Variants in ATRNL1 observed in about 807,000 individuals in gnomAD.
ATRNL1 encodes attractin-like protein 1.
In ATRNL1, 95 loss-of-function variants were observed where a neutral mutation model predicts 182.7. The observed-to-expected ratio is 0.52, with a 90% confidence interval of 0.44 to 0.62. The LOEUF (loss-of-function observed/expected upper bound fraction) is 0.62. Among genes scored for constraint, ATRNL1 ranks in the 20% least tolerant of loss-of-function variants. The pLI is 0.00. For missense variants in ATRNL1, 1,471 were observed against 1,679.5 expected (o/e 0.88, Z 2.17); for synonymous variants, 576 against 568.3 (o/e 1.01, Z -0.19).
chr10:115,129,255 G>C, intron 4 of ATRNL1, 72 bp from the exon 5 acceptor site: 1 of 1,121,454 alleles, frequency 8.9e-7, no homozygotes, highest in African/African-American at 1.6e-5. Flanking sequence ...AAATTATAAA[G>C]TTTATGATGT....
At chr10:115,509,587 A>C (rs1269958611) in intron 24 of ATRNL1, among the ~76,000 whole-genome samples, 1 of 151,914 alleles carries the variant, frequency 6.6e-6, no homozygotes, top group Non-Finnish European at 1.5e-5. Context: ...CCATGATTCT[A>C]AGTTTACTGA....
intron 19 of ATRNL1, among the ~76,000 whole-genome samples, chr10:115,365,703 A>G (rs1371198598): frequency 6.6e-6 from 1 of 151,248 alleles, no homozygotes; most frequent in African/African-American, 2.4e-5. Context: ...TGCGTCCCAG[A>G]GATTCTGGTA....
chr10:115,133,027 A>G (rs1017065149), intron 5 of ATRNL1, among the ~76,000 whole-genome samples: 8 of 152,146 alleles, frequency 5.3e-5, no homozygotes, highest in South Asian at 2.1e-4. Context: ...CCTGAATGGT[A>G]TTGCCTAGGT....
intron 19 of ATRNL1, among the ~76,000 whole-genome samples, chr10:115,365,411 T>G (rs1250653111): frequency 5.3e-5 from 8 of 151,714 alleles, no homozygotes; most frequent in African/African-American, 1.9e-4. Flanking sequence ...TCTTCTCTCT[T>G]TTTTTCTTTA....
At chr10:115,881,771 G>T (rs1423242848) in intron 28 of ATRNL1, among the ~76,000 whole-genome samples, 1 of 152,180 alleles carries the variant, frequency 6.6e-6, no homozygotes, top group Non-Finnish European at 1.5e-5. Flanking sequence ...CCTCAAGCTA[G>T]TAAGTGCTGC....
At chr10:115,307,275 T>G (rs782633566) in intron 17 of ATRNL1, among the ~76,000 whole-genome samples, 5 of 152,190 alleles carry the variant, frequency 3.3e-5, no homozygotes, top group Admixed American at 6.5e-5. Context: ...TGGTTTTTGT[T>G]TTTTTGAGAC....
At chr10:115,805,063 G>A (rs184639280) in intron 27 of ATRNL1, among the ~76,000 whole-genome samples, 265 of 152,194 alleles carry the variant, frequency 1.7e-3, no homozygotes, top group African/African-American at 6.3e-3. Flanking sequence ...TAAAATTCTA[G>A]GAGTTATTTT....
chr10:115,609,941 T>G (rs988419425), intron 26 of ATRNL1, among the ~76,000 whole-genome samples: 15 of 152,154 alleles, frequency 9.9e-5, no homozygotes, highest in African/African-American at 3.6e-4. Flanking sequence ...TGAGACGTGT[T>G]GTTTGTGAGT....
rs544702823 is a variant in ATRNL1 at position 115,485,611 on chromosome 10, T to C, written c.3654+16282T>C. ...TTCCTATGTGACTAATTTTGTATCC[T>C]TTAACCAGTGTCCCTCCAAACCCCC... On this transcript the variant is annotated intron_variant, in intron 24 of 28. Transcript: ENST00000355044. Among the ~76,000 whole-genome samples the C allele has an allele frequency of 1.1e-4, 17 of 152,196 alleles. No homozygotes were observed. The East Asian group carries it at 3.3e-3, about 29-fold the overall frequency.
At chr10:115,834,059 G>A (rs1022674935) in intron 27 of ATRNL1, among the ~76,000 whole-genome samples, 7 of 152,124 alleles carry the variant, frequency 4.6e-5, no homozygotes, top group Non-Finnish European at 1.0e-4. Context: ...GAATGCCAGC[G>A]ACCGACTGTC....
intron 17 of ATRNL1, among the ~76,000 whole-genome samples, chr10:115,302,773 C>T (rs1248456610): frequency 6.6e-6 from 1 of 152,176 alleles, no homozygotes; most frequent in East Asian, 1.9e-4. Flanking sequence ...CGTCAGAATA[C>T]AGCTGCCAAG....
At chr10:115,478,619 G>A (rs537901774) in intron 24 of ATRNL1, among the ~76,000 whole-genome samples, 2 of 151,688 alleles carry the variant, frequency 1.3e-5, no homozygotes, top group African/African-American at 2.4e-5. Context: ...ATAATGTAAC[G>A]TAATCAAGGG....
Position 115,110,647 on chromosome 10 carries a change from A to G in ATRNL1, c.294-9538A>G, listed in dbSNP as rs1284608414. The stretch of plus-strand genomic sequence containing the variant: ...GATGTTCTTTTAAATTTCTATGTTT[A>G]TGGTAATTTGTTACCAGCAGTAAAA... On this transcript the variant is annotated intron_variant, in intron 1 of 28. Transcript: ENST00000355044. Among the ~76,000 whole-genome samples, 3 of 152,210 alleles carry G rather than the reference A, an allele frequency of 2.0e-5. No homozygotes were observed. In the East Asian group the frequency reaches 5.8e-4, roughly 29 times the overall value.
chr10:115,793,820 TC>T (rs1218024376), intron 27 of ATRNL1, among the ~76,000 whole-genome samples: 1 of 152,176 alleles, frequency 6.6e-6, no homozygotes, highest in Non-Finnish European at 1.5e-5. Flanking sequence ...GTGGGATTTT[TC>T]TTTGTGGTGG....
intron 19 of ATRNL1, among the ~76,000 whole-genome samples, chr10:115,336,035 G>C (rs1170619361): frequency 2.0e-5 from 3 of 152,002 alleles, no homozygotes; most frequent in African/African-American, 7.2e-5. Flanking sequence ...TTATATCCTA[G>C]GCACCGTACT....
At chr10:115,739,299 C>T (rs1948071797) in intron 27 of ATRNL1, among the ~76,000 whole-genome samples, 1 of 152,076 alleles carries the variant, frequency 6.6e-6, no homozygotes, top group East Asian at 1.9e-4. Context: ...TATTTTTATA[C>T]AGCATCCTTG....
chr10:115,201,075 G>GTT (rs1431751302), intron 8 of ATRNL1, among the ~76,000 whole-genome samples: 5 of 125,574 alleles, frequency 4.0e-5, no homozygotes, highest in Non-Finnish European at 7.0e-5. Flanking sequence ...TGGTGGGCTT[G>GTT]TTTTTTTTTT....
chr10:115,312,948 A>G (rs1592428670), intron 17 of ATRNL1, among the ~76,000 whole-genome samples: 1 of 151,882 alleles, frequency 6.6e-6, no homozygotes. Context: ...GCATTTTGCA[A>G]TTTTCTAAAT....
At chr10:115,536,029 C>G (rs1424639000) in intron 25 of ATRNL1, among the ~76,000 whole-genome samples, 1 of 151,800 alleles carries the variant, frequency 6.6e-6, no homozygotes, top group African/African-American at 2.4e-5. Flanking sequence ...CTGGGGGGAG[C>G]CTCCCAGTTA....
Sources: allele counts gnomAD v4.1 joint callset (sites outside exome capture counted in the v4.1 genomes callset), GRCh38; gene constraint gnomAD v4.1.1; transcripts MANE v1.5; gene names NCBI Gene and HGNC (gene_info 2026-07-23, HGNC 2026-07-21).